APOO: variants seen among roughly 807,000 people sequenced by gnomAD.
APOO encodes MICOS complex subunit MIC26.
A neutral mutation model predicts 23.1 loss-of-function variants in APOO; 11 were observed. The observed-to-expected ratio is 0.48, with a 90% CI of 0.30 to 0.79. APOO has a LOEUF of 0.79. Ranked by LOEUF, APOO falls within the 30% of genes least tolerant of loss-of-function variation. The pLI is 0.07. For synonymous variants in APOO, 59 were observed against 54.8 expected (o/e 1.08, Z -0.34); for missense variants, 160 against 142.7 (o/e 1.12, Z -0.62).
intron 1 of APOO, among the ~76,000 whole-genome samples, chrX:23,904,765 C>T (rs571014135): frequency 9.0e-6 from 1 of 110,964 alleles, no homozygotes; most frequent in South Asian, 3.8e-4. Context: ...CTCGGCCTCC[C>T]GAAGTGCTGG....
intron 7 of APOO, among the ~76,000 whole-genome samples, chrX:23,850,029 T>C (rs1285889384): frequency 8.9e-6 from 1 of 112,158 alleles, no homozygotes; most frequent in East Asian, 2.8e-4. Flanking sequence ...ACAATAACGG[T>C]ATTGTGATCA....
intron 7 of APOO, among the ~76,000 whole-genome samples, chrX:23,855,960 A>T (rs1016964366): frequency 8.9e-6 from 1 of 112,208 alleles, no homozygotes; most frequent in Non-Finnish European, 1.9e-5. Flanking sequence ...TCCTGGGAGC[A>T]TAGTACATTC....
chrX:23,907,697 G>A lies in APOO; in HGVS notation c.6C>T (p.Phe2=), dbSNP rs1373428884. ...TGACTCGACTCCACGCTCTCACCTT[G>A]AACATGTCGCTGGCAGCGGAGGCTC... is the stretch of plus-strand genomic sequence containing the variant. The part of the protein sequence containing the change: M[F]KVIQRSVGPA... The change falls in exon 1 of 9, where the codon TTC becomes TTT. Residue 2 remains phenylalanine (F), a synonymous_variant. Coordinates refer to ENST00000379226, the MANE Select transcript of APOO (RefSeq NM_024122.5). The A allele has an allele frequency of 6.0e-6, 7 of 1,158,855 alleles. No homozygotes were observed. Among genetic ancestry groups the A allele is most frequent in the Middle Eastern group, 2.6e-4 (1 of 3,919 alleles).
At chrX:23,872,626 A>G (rs189306672) in intron 4 of APOO, among the ~76,000 whole-genome samples, 1 of 108,182 alleles carries the variant, frequency 9.2e-6, no homozygotes, top group African/African-American at 3.4e-5. Context: ...ATGCATAATA[A>G]TCACATCAGG....
At position 23,854,322 on chromosome X, in the gene APOO, C is replaced by T. The variant is rs546240358; in HGVS notation, c.561+1980G>A. ...GTGTGCGTGTGTGTCTGCACAGACA[C>T]CACAGTGAGCACTCCGGGGAGCCTG... On this transcript the variant is annotated intron_variant, in intron 7 of 8. Coordinates refer to ENST00000379226, the MANE Select transcript of APOO (RefSeq NM_024122.5). Among the ~76,000 whole-genome samples, 3 of 111,729 alleles carry T rather than the reference C, an allele frequency of 2.7e-5. No individual in the cohort carries two copies. In the South Asian group the frequency reaches 1.1e-3, roughly 41 times the overall value.
chrX:23,881,580 A>G (rs1293548309), intron 1 of APOO, among the ~76,000 whole-genome samples: 1 of 99,441 alleles, frequency 1.0e-5, no homozygotes, highest in Non-Finnish European at 2.0e-5. Flanking sequence ...AAAAAAAAAA[A>G]AAAAAAAAAA....
intron 8 of APOO, among the ~76,000 whole-genome samples, chrX:23,833,850 G>A (rs1162099501): frequency 9.0e-6 from 1 of 110,991 alleles, no homozygotes; most frequent in Non-Finnish European, 1.9e-5. Context: ...TGGGCATGGT[G>A]GCAAGTGCCT....
At chrX:23,889,929 G>A (rs986720596) in intron 1 of APOO, among the ~76,000 whole-genome samples, 19 of 110,332 alleles carry the variant, frequency 1.7e-4, no homozygotes, top group African/African-American at 4.9e-4. Context: ...CCAAAGTGCT[G>A]GGATTACAGG....
intron 1 of APOO, among the ~76,000 whole-genome samples, chrX:23,889,749 G>T (rs1447355021): frequency 1.0e-5 from 1 of 98,249 alleles, no homozygotes; most frequent in South Asian, 5.8e-4. Context: ...TGCAAGCTCC[G>T]CCTCCTGGGT....
intron 1 of APOO, chrX:23,883,407 C>CG (rs1926232291): frequency 9.0e-6 from 1 of 111,556 alleles, no homozygotes; most frequent in Admixed American, 9.6e-5. Context: ...AACAGCAGAA[C>CG]GGCAGGACAA....
intron 7 of APOO, among the ~76,000 whole-genome samples, chrX:23,855,464 C>T (rs1472601506): frequency 1.8e-5 from 2 of 111,127 alleles, no homozygotes; most frequent in Non-Finnish European, 3.8e-5. Context: ...TTTAACTTGT[C>T]AATGATTTGA....
intron 5 of APOO, among the ~76,000 whole-genome samples, chrX:23,866,076 C>T (rs7062416): frequency 0.021 from 2,372 of 110,582 alleles, 61 homozygotes; most frequent in African/African-American, 0.072. Context: ...ACTGTAGGAA[C>T]GTACCCACAG....
At chrX:23,837,958 C>CCTAT (rs76055034) in intron 8 of APOO, among the ~76,000 whole-genome samples, 22,942 of 94,781 alleles carry the variant, frequency 0.24, 2,556 homozygotes, top group Middle Eastern at 0.28. Flanking sequence ...CTGCACCCGG[C>CCTAT]CTATCTATCT....
At chrX:23,892,933 T>C (rs1412806482) in intron 1 of APOO, among the ~76,000 whole-genome samples, 1 of 88,828 alleles carries the variant, frequency 1.1e-5, no homozygotes, top group Non-Finnish European at 2.2e-5. Context: ...ATGGGTTTTT[T>C]ACAAAAAAAA....
intron 1 of APOO, among the ~76,000 whole-genome samples, chrX:23,892,111 T>G (rs1167635428): frequency 9.2e-6 from 1 of 108,862 alleles, no homozygotes; most frequent in Non-Finnish European, 1.9e-5. Flanking sequence ...TGAGACAGAG[T>G]TTTGCTCTTT....
intron 1 of APOO, among the ~76,000 whole-genome samples, chrX:23,883,107 T>C (rs1926217097): frequency 9.0e-6 from 1 of 111,282 alleles, no homozygotes; most frequent in African/African-American, 3.3e-5. Context: ...AGAAAAGTGA[T>C]ACGGGAGGGG....
intron 7 of APOO, among the ~76,000 whole-genome samples, chrX:23,843,163 T>C (rs1462162983): frequency 8.9e-6 from 1 of 112,148 alleles, no homozygotes; most frequent in Admixed American, 9.5e-5. Context: ...CTCAAAAAAA[T>C]AAGATGCTAA....
intron 1 of APOO, among the ~76,000 whole-genome samples, chrX:23,903,589 T>C (rs1373378725): frequency 9.0e-6 from 1 of 111,275 alleles, no homozygotes; most frequent in African/African-American, 3.3e-5. Context: ...AAAAAGTAAA[T>C]CAGTATACTC....
chrX:23,889,287 G>C (rs1336827263), intron 1 of APOO, among the ~76,000 whole-genome samples: 1 of 111,877 alleles, frequency 8.9e-6, no homozygotes, highest in Non-Finnish European at 1.9e-5. Context: ...AGGCTAAACT[G>C]TTCTTGCTTT....
Sources: gnomAD v4.1 joint callset for allele counts (sites outside exome capture counted in the v4.1 genomes callset) on GRCh38, gnomAD v4.1.1 for gene constraint, MANE v1.5 for transcripts, NCBI Gene and HGNC (gene_info 2026-07-23, HGNC 2026-07-21) for gene names.